TADA2A: variants seen among roughly 807,000 people sequenced by gnomAD.
TADA2A encodes the protein transcriptional adapter 2-alpha.
Under a neutral mutation model 67.4 loss-of-function variants are expected in TADA2A, and 38 were observed. That is an observed-to-expected ratio of 0.56 (90% CI 0.44 to 0.74). TADA2A has a LOEUF of 0.74. TADA2A is among the 30% of genes least tolerant of loss of function. TADA2A has a pLI of 0.00. For missense variants in TADA2A, 454 were observed against 547.0 expected, an observed-to-expected ratio of 0.83 and a Z score of 1.70; for synonymous variants, 192 against 181.6, an observed-to-expected ratio of 1.06 and a Z score of -0.46.
At chr17:37,472,651 G>GT (rs1236416121) in intron 14 of TADA2A, among the ~76,000 whole-genome samples, 1 of 151,784 alleles carries the variant, frequency 6.6e-6, no homozygotes, top group Non-Finnish European at 1.5e-5. Flanking sequence ...GAGGTTGGGA[G>GT]TTTGAGACCA....
At chr17:37,442,334 C>T (rs1215717753) in intron 6 of TADA2A, among the ~76,000 whole-genome samples, 3 of 149,568 alleles carry the variant, frequency 2.0e-5, no homozygotes, top group African/African-American at 7.4e-5. Context: ...GTCATGATTT[C>T]CTTTCATTTT....
intron 1 of TADA2A, chr17:37,408,347 G>C (rs1455984620): frequency 6.6e-6 from 1 of 152,190 alleles, no homozygotes; most frequent in Non-Finnish European, 1.5e-5. Flanking sequence ...CCACCTCCCG[G>C]GTTCAAGCAG....
At chr17:37,440,311 A>T (rs1052082163) in intron 5 of TADA2A, among the ~76,000 whole-genome samples, 194 bp from the exon 6 acceptor site, 21 of 152,110 alleles carry the variant, frequency 1.4e-4, no homozygotes, top group Non-Finnish European at 1.0e-4. Context: ...GACTAGCAAG[A>T]TATGGAACAC....
intron 4 of TADA2A, among the ~76,000 whole-genome samples, chr17:37,431,509 A>G (rs1200866964): frequency 6.6e-6 from 1 of 152,054 alleles, no homozygotes; most frequent in Non-Finnish European, 1.5e-5. Flanking sequence ...ACCCATCACT[A>G]ACTCTTAAAA....
intron 8 of TADA2A, among the ~76,000 whole-genome samples, chr17:37,447,621 A>G (rs1282885947): frequency 1.3e-5 from 2 of 152,196 alleles, no homozygotes; most frequent in African/African-American, 4.8e-5. Context: ...TAAAAAATAA[A>G]AAAGATGATA....
In TADA2A at chr17:37,471,093, G is replaced by A. The variant is rs374458570; in HGVS notation, c.1029-1G>A. On this transcript the variant is annotated splice_acceptor_variant, in intron 13 of 15. Transcript: ENST00000615182. LOFTEE classifies it high-confidence loss of function. ...GTTTAAATTCCTCTTCTTCGTTGTA[G>A]TGATTCCGGCCTGAGTCCTTCCATT... is the stretch of plus-strand genomic sequence containing the variant. 12 of 1,614,036 alleles carry A rather than the reference G, an allele frequency of 7.4e-6. No individual in the cohort carries two copies. Among genetic ancestry groups the A allele is most frequent in the Non-Finnish European group, 9.3e-6 (11 of 1,180,028 alleles).
intron 2 of TADA2A, among the ~76,000 whole-genome samples, chr17:37,419,778 C>A (rs75109421): frequency 4.4e-4 from 55 of 123,612 alleles, no homozygotes; most frequent in Non-Finnish European, 5.0e-4. Context: ...GACACTGTCT[C>A]AAAAAAAAAA....
At chr17:37,458,866 C>T (rs562609153) in intron 9 of TADA2A, among the ~76,000 whole-genome samples, 18 of 151,778 alleles carry the variant, frequency 1.2e-4, no homozygotes, top group African/African-American at 4.1e-4. Context: ...TTTGTAGATA[C>T]GGGGTTTTGC....
intron 8 of TADA2A, among the ~76,000 whole-genome samples, chr17:37,448,866 C>T (rs1441585631): frequency 6.6e-6 from 1 of 152,020 alleles, no homozygotes; most frequent in African/African-American, 2.4e-5. Context: ...GATCTGTGGA[C>T]CCCTTCACCT....
chr17:37,440,400 G>C, intron 5 of TADA2A, 105 bp from the exon 6 acceptor site: 1 of 1,269,602 alleles, frequency 7.9e-7, no homozygotes, highest in East Asian at 2.5e-5. Flanking sequence ...AAATATGAGA[G>C]TATATTATAT....
chr17:37,443,925 T>C (rs893973333), intron 7 of TADA2A, among the ~76,000 whole-genome samples: 2 of 152,186 alleles, frequency 1.3e-5, no homozygotes, highest in African/African-American at 4.8e-5. Context: ...TCTTGATTTA[T>C]CATCTAATTC....
intron 1 of TADA2A, 104 bp from the exon 2 acceptor site, chr17:37,411,165 T>C (rs2051854001): frequency 5.0e-6 from 3 of 597,590 alleles, no homozygotes; most frequent in African/African-American, 1.9e-5. Flanking sequence ...TTTTCAACAT[T>C]ACAAAGCTAA....
chr17:37,412,218 GAAA>G (rs58185039), intron 2 of TADA2A, among the ~76,000 whole-genome samples: 1 of 106,656 alleles, frequency 9.4e-6, no homozygotes, highest in Non-Finnish European at 2.0e-5. Context: ...CTCAAAAAAA[GAAA>G]AAAAAAAAAA....
In TADA2A at chr17:37,415,233, CT is replaced by C. The variant is rs942189622; in HGVS notation, c.25+3847del. Among the ~76,000 whole-genome samples the C allele has an allele frequency of 5.1e-4, 77 of 152,272 alleles. No individual in the cohort carries two copies. In the Middle Eastern group the frequency reaches 0.01, roughly 20 times the overall value. ...TACTATATATATGTGTTCTTTTGTA[CT>C]TTTAAAAAAATTCTTCAATCAGCAC... On this transcript the variant is annotated intron_variant, in intron 2 of 15. Transcript: ENST00000615182.
intron 11 of TADA2A, 114 bp downstream of exon 11, chr17:37,465,655 C>T (rs1458417081): frequency 1.3e-6 from 2 of 1,520,144 alleles, no homozygotes; most frequent in Middle Eastern, 1.8e-4. Flanking sequence ...ATATTTCTCT[C>T]TTTGTTCCCC....
At chr17:37,444,669 T>TG in intron 7 of TADA2A, 27 bp from the exon 8 acceptor site, 2 of 1,604,072 alleles carry the variant, frequency 1.2e-6, no homozygotes, top group Non-Finnish European at 1.7e-6. Flanking sequence ...GGGTTTGGGG[T>TG]GGGGATTTTT....
chr17:37,452,121 T>C (rs1002854130), intron 8 of TADA2A, among the ~76,000 whole-genome samples: 24 of 150,728 alleles, frequency 1.6e-4, no homozygotes, highest in African/African-American at 5.6e-4. Context: ...TCTTGAAATA[T>C]GGCCAGGCGC....
chr17:37,414,913 A>G (rs1181234504), intron 2 of TADA2A, among the ~76,000 whole-genome samples: 1 of 145,284 alleles, frequency 6.9e-6, no homozygotes, highest in Non-Finnish European at 1.5e-5. Context: ...TTTTTTTGAG[A>G]CAGAGCTTCG....
intron 14 of TADA2A, among the ~76,000 whole-genome samples, chr17:37,471,706 A>T (rs2053790628): frequency 1.3e-5 from 2 of 152,014 alleles, no homozygotes; most frequent in Admixed American, 6.6e-5. Context: ...CGGTTTTGCC[A>T]TGTTGGCCAG....
Sources: gnomAD v4.1 joint callset for allele counts (sites outside exome capture counted in the v4.1 genomes callset) on GRCh38, gnomAD v4.1.1 for gene constraint, MANE v1.5 for transcripts, NCBI Gene and HGNC (gene_info 2026-07-23, HGNC 2026-07-21) for gene names.